RBFOX1: variants seen among roughly 807,000 people sequenced by gnomAD.
RBFOX1 encodes RNA binding protein fox-1 homolog 1.
A neutral mutation model predicts 57.7 loss-of-function variants in RBFOX1; 8 were observed. That is an observed-to-expected ratio of 0.14 (90% CI 0.08 to 0.25). RBFOX1 has a LOEUF of 0.25. Among genes scored for constraint, RBFOX1 ranks in the 10% least tolerant of loss-of-function variants. RBFOX1 has a pLI of 1.00. For synonymous variants in RBFOX1, 326 were observed against 222.4 expected (o/e 1.47, Z -4.15); for missense variants, 611 against 548.5 (o/e 1.11, Z -1.14).
At chr16:6,109,906 G>C (rs1042922897) in intron 1 of RBFOX1, among the ~76,000 whole-genome samples, 1 of 152,092 alleles carries the variant, frequency 6.6e-6, no homozygotes, top group African/African-American at 2.4e-5. Flanking sequence ...TGAATCAAAT[G>C]CAGAGCTTTT....
chr16:6,626,631 G>C (rs186181472), intron 2 of RBFOX1, among the ~76,000 whole-genome samples: 1 of 152,012 alleles, frequency 6.6e-6, no homozygotes, highest in Non-Finnish European at 1.5e-5. Flanking sequence ...ATGGTGGTGC[G>C]CACCTGTAAT....
At chr16:5,924,034 A>T (rs2058891384) in intron 4 of RBFOX1, among the ~76,000 whole-genome samples, 1 of 152,114 alleles carries the variant, frequency 6.6e-6, no homozygotes, top group African/African-American at 2.4e-5. Context: ...AGTGTACCCC[A>T]TGCTGTTCTC....
At chr16:6,813,928 C>G (rs2089420847) in intron 3 of RBFOX1, among the ~76,000 whole-genome samples, 1 of 152,132 alleles carries the variant, frequency 6.6e-6, no homozygotes. Context: ...TTTCCTTCCT[C>G]AAGTTACCCA....
At chr16:7,392,132 C>T (rs1033779711) in intron 4 of RBFOX1, among the ~76,000 whole-genome samples, 29 of 152,306 alleles carry the variant, frequency 1.9e-4, no homozygotes, top group South Asian at 4.1e-4. Context: ...ATTCTGTACA[C>T]GCTTTTCCTC....
intron 4 of RBFOX1, among the ~76,000 whole-genome samples, chr16:7,105,722 A>G (rs1304523375): frequency 6.6e-6 from 1 of 152,046 alleles, no homozygotes; most frequent in Non-Finnish European, 1.5e-5. Flanking sequence ...ATATGGAGAT[A>G]TATAGGTAGA....
intron 2 of RBFOX1, among the ~76,000 whole-genome samples, chr16:6,649,834 A>G (rs575793513): frequency 3.3e-5 from 5 of 152,218 alleles, no homozygotes; most frequent in East Asian, 3.9e-4. Context: ...TCTGTTATAT[A>G]TGTATAGTAT....
intron 1 of RBFOX1, among the ~76,000 whole-genome samples, chr16:6,244,553 G>T (rs1483747130): frequency 6.6e-6 from 1 of 152,156 alleles, no homozygotes. Context: ...GCCCAGGCTG[G>T]AGTGCAGTGG....
At chr16:7,586,888 G>A (rs903856438) in intron 6 of RBFOX1, among the ~76,000 whole-genome samples, 5 of 152,204 alleles carry the variant, frequency 3.3e-5, no homozygotes, top group African/African-American at 1.2e-4. Flanking sequence ...CATCAAGGGT[G>A]TTTCTCCCAG....
rs138367083 is a variant in RBFOX1 at position 5,263,434 on chromosome 16, ATGACT to A, written c.219+23333_219+23337del. Among the ~76,000 whole-genome samples, 664 of 152,274 alleles carry A rather than the reference ATGACT, an allele frequency of 4.4e-3. 13 individuals are homozygous for A. In the East Asian group the frequency reaches 0.055, roughly 13 times the overall value. ...ACACAGGAAAGGAGCTGGGAGGGTA[ATGACT>A]TGAGGGCATAGCAGGGATAATCAAG... On this transcript the variant is annotated intron_variant, in intron 1 of 2. Coordinates refer to the RBFOX1 transcript ENST00000585867.
At chr16:5,472,966 C>A (rs913955176) in intron 2 of RBFOX1, among the ~76,000 whole-genome samples, 3 of 152,160 alleles carry the variant, frequency 2.0e-5, no homozygotes, top group Non-Finnish European at 4.4e-5. Context: ...CAGACTATGT[C>A]CAGACAGTCT....
chr16:7,434,529 G>C (rs377228149), intron 4 of RBFOX1, among the ~76,000 whole-genome samples: 2 of 151,786 alleles, frequency 1.3e-5, no homozygotes, highest in East Asian at 1.9e-4. Flanking sequence ...GAGATGAGGA[G>C]ATGGACTGGG....
At chr16:7,471,463 T>C (rs543208976) in intron 4 of RBFOX1, among the ~76,000 whole-genome samples, 3 of 152,334 alleles carry the variant, frequency 2.0e-5, no homozygotes, top group Middle Eastern at 3.4e-3. Flanking sequence ...TTTTTATTGC[T>C]GTCAGTCATT....
At chr16:6,393,466 C>T (rs544592917) in intron 2 of RBFOX1, among the ~76,000 whole-genome samples, 15 of 152,206 alleles carry the variant, frequency 9.9e-5, no homozygotes, top group African/African-American at 1.9e-4. Context: ...AAAAAGGGAC[C>T]GCTTTGCAAA....
chr16:7,413,778 G>T (rs2098453079), intron 4 of RBFOX1, among the ~76,000 whole-genome samples: 1 of 152,060 alleles, frequency 6.6e-6, no homozygotes, highest in African/African-American at 2.4e-5. Context: ...TATTTTCCTT[G>T]TAGCTTTGTA....
intron 2 of RBFOX1, among the ~76,000 whole-genome samples, chr16:6,544,784 T>C (rs1005209784): frequency 6.6e-6 from 1 of 152,174 alleles, no homozygotes; most frequent in Admixed American, 6.5e-5. Context: ...TTGTGAAAAT[T>C]GAATGATGCT....
At chr16:6,367,254 G>GGTTTGT (rs1555443645) in intron 2 of RBFOX1, among the ~76,000 whole-genome samples, 6 of 149,992 alleles carry the variant, frequency 4.0e-5, no homozygotes, top group Non-Finnish European at 8.9e-5. Flanking sequence ...TTCTTTGTTT[G>GGTTTGT]TTTGTTTTGT....
intron 4 of RBFOX1, among the ~76,000 whole-genome samples, chr16:5,925,726 A>T (rs940610141): frequency 1.3e-5 from 2 of 152,184 alleles, no homozygotes; most frequent in African/African-American, 4.8e-5. Context: ...AAAACTGTAC[A>T]TAATTGTATG....
At chr16:6,729,423 C>T (rs112952927) in intron 3 of RBFOX1, among the ~76,000 whole-genome samples, 1 of 152,130 alleles carries the variant, frequency 6.6e-6, no homozygotes, top group African/African-American at 2.4e-5. Flanking sequence ...GTCTTACAGG[C>T]GTTCTGACGG....
At chr16:7,040,897 G>GTTTTGTTT (rs1391320156) in intron 3 of RBFOX1, among the ~76,000 whole-genome samples, 6 of 146,216 alleles carry the variant, frequency 4.1e-5, no homozygotes, top group Admixed American at 3.4e-4. Context: ...TTTTTTTTTT[G>GTTTTGTTT]TTTTGTTTTT....
Sources: gnomAD v4.1 joint callset for allele counts (sites outside exome capture counted in the v4.1 genomes callset) on GRCh38, gnomAD v4.1.1 for gene constraint, MANE v1.5 for transcripts, NCBI Gene and HGNC (gene_info 2026-07-23, HGNC 2026-07-21) for gene names.